SORCS1: variants seen among roughly 807,000 people sequenced by gnomAD.
The protein encoded by SORCS1 is VPS10 domain-containing receptor SorCS1.
SORCS1 carries 60 observed loss-of-function variants against 146.1 expected under a neutral mutation model. That is an observed-to-expected ratio of 0.41 (90% CI 0.33 to 0.51). SORCS1 has a LOEUF of 0.51. Ranked by LOEUF, SORCS1 falls within the 20% of genes least tolerant of loss-of-function variation. The pLI, the probability that SORCS1 is intolerant of heterozygous loss-of-function variation, is 0.21. For missense variants in SORCS1, 1,352 were observed against 1,487.6 expected, an observed-to-expected ratio of 0.91 and a Z score of 1.50; for synonymous variants, 637 against 584.0, an observed-to-expected ratio of 1.09 and a Z score of -1.31.
At chr10:106,797,056 G>A (rs1052943222) in intron 3 of SORCS1, among the ~76,000 whole-genome samples, 7 of 152,092 alleles carry the variant, frequency 4.6e-5, no homozygotes, top group Admixed American at 3.9e-4. Flanking sequence ...GCAGTAAGCC[G>A]GGATCACGCC....
chr10:106,756,686 G>A (rs1401732360), intron 5 of SORCS1, among the ~76,000 whole-genome samples: 1 of 152,128 alleles, frequency 6.6e-6, no homozygotes, highest in African/African-American at 2.4e-5. Context: ...GGTTGCTATG[G>A]TAGTATTAAT....
chr10:106,760,571 G>A (rs759351492), intron 5 of SORCS1, among the ~76,000 whole-genome samples: 3 of 151,646 alleles, frequency 2.0e-5, no homozygotes, highest in South Asian at 2.1e-4. Flanking sequence ...CAAATCTGCC[G>A]GCACATTGAT....
rs80236527 is a variant in SORCS1, at chr10:107,135,167, G to C, written c.558+28802C>G. Among the ~76,000 whole-genome samples, 119 of 152,292 alleles carry C rather than the reference G, an allele frequency of 7.8e-4. 1 individual carries two copies. The East Asian group carries it at 0.022, about 29-fold the overall frequency. ...TATGGTAAATAATTTATTATGGTAA[G>C]ATCATTAGTTTCTTTTAATGATTTT... On this transcript the variant is annotated intron_variant, in intron 1 of 25. Coordinates refer to ENST00000263054, the MANE Select transcript of SORCS1 (RefSeq NM_052918.5).
Position 106,913,076 on chromosome 10 carries a change from G to GAA in SORCS1, c.626+43435_626+43436dup, listed in dbSNP as rs34402617. ...AATGGCAATGCCACTGGACTGCAAA[G>GAA]AAAAAAAAAAAACGCAAGGCTTACA... On this transcript the variant is annotated intron_variant, in intron 2 of 25. Coordinates refer to ENST00000263054, the MANE Select transcript of SORCS1 (RefSeq NM_052918.5). Among the ~76,000 whole-genome samples, 332 of 144,842 alleles carry GAA rather than the reference G, an allele frequency of 2.3e-3. 1 individual carries two copies. The highest frequency in any genetic ancestry group is 0.011 in the Admixed American group (158 of 14,684).
intron 9 of SORCS1, 56 bp downstream of exon 9, chr10:106,699,158 C>T: frequency 6.8e-7 from 1 of 1,476,950 alleles, no homozygotes; most frequent in South Asian, 1.4e-5. Context: ...TGCGGGGCTT[C>T]CATCAGCCAG....
chr10:106,944,871 CTTCTTTTTTTTT>C (rs1589759893), intron 2 of SORCS1, among the ~76,000 whole-genome samples: 6 of 61,024 alleles, frequency 9.8e-5, no homozygotes, highest in African/African-American at 2.7e-4. Context: ...AAGAAAGAGC[CTTCTTTTTTTTT>C]TTTTTTTTTT....
intron 1 of SORCS1, among the ~76,000 whole-genome samples, chr10:107,073,912 T>C (rs1962656898): frequency 6.6e-6 from 1 of 152,124 alleles, no homozygotes; most frequent in Non-Finnish European, 1.5e-5. Context: ...TAGAGCAGTT[T>C]TAGGTGGAAT....
chr10:106,613,180 A>C (rs1291189020), intron 21 of SORCS1, among the ~76,000 whole-genome samples: 1 of 152,146 alleles, frequency 6.6e-6, no homozygotes, highest in African/African-American at 2.4e-5. Context: ...TATGTTATTC[A>C]GGGATTTTCT....
At chr10:106,939,576 C>T (rs568645213) in intron 2 of SORCS1, among the ~76,000 whole-genome samples, 2 of 152,284 alleles carry the variant, frequency 1.3e-5, no homozygotes, top group East Asian at 1.9e-4. Context: ...CCTGCTTCTG[C>T]AAGCTAAGAA....
intron 1 of SORCS1, among the ~76,000 whole-genome samples, chr10:106,974,849 G>A (rs963056235): frequency 3.9e-5 from 6 of 152,098 alleles, no homozygotes; most frequent in African/African-American, 9.7e-5. Context: ...TGTTAAGGGC[G>A]GAAACAAAAC....
At chr10:106,937,194 G>C (rs1953768862) in intron 2 of SORCS1, among the ~76,000 whole-genome samples, 2 of 145,104 alleles carry the variant, frequency 1.4e-5, no homozygotes, top group South Asian at 2.2e-4. Flanking sequence ...TTTTGAGATA[G>C]AGTCTTGCTC....
At position 106,927,465 on chromosome 10, in the gene SORCS1, G is replaced by T. The variant is rs753763122; in HGVS notation, c.626+29048C>A. On this transcript the variant is annotated intron_variant, in intron 2 of 25. Coordinates refer to ENST00000263054, the MANE Select transcript of SORCS1 (RefSeq NM_052918.5). Reference sequence around the variant, plus strand: ...CATAAAGGCAGTGTGGACCCAAAGAGTGAGCAGCAGCAAGACTTATTGCAA... The same window carrying T: ...CATAAAGGCAGTGTGGACCCAAAGATTGAGCAGCAGCAAGACTTATTGCAA... 4.1e-4 allele frequency among the ~76,000 whole-genome samples: 63 copies of T among 152,156 alleles called. 1 individual carries two copies. Among genetic ancestry groups the T allele is most frequent in the Admixed American group, 6.5e-4 (10 of 15,276 alleles).
At chr10:106,956,856 G>C (rs1035455250) in intron 1 of SORCS1, among the ~76,000 whole-genome samples, 3 of 152,136 alleles carry the variant, frequency 2.0e-5, no homozygotes, top group Non-Finnish European at 1.5e-5. Context: ...TGGGTTTAGC[G>C]CTTTTAGGGA....
intron 18 of SORCS1, 151 bp downstream of exon 18, chr10:106,652,230 TA>T: frequency 1.4e-6 from 1 of 714,922 alleles, no homozygotes. Context: ...GAAGTGATAA[TA>T]AAAGAAAAAC....
intron 2 of SORCS1, among the ~76,000 whole-genome samples, chr10:106,886,946 A>G (rs1427363811): frequency 6.6e-6 from 1 of 152,222 alleles, no homozygotes; most frequent in Non-Finnish European, 1.5e-5. Flanking sequence ...GAATGTTTAG[A>G]AAAAGAAGAC....
intron 2 of SORCS1, among the ~76,000 whole-genome samples, chr10:106,865,714 A>G (rs1408644485): frequency 6.6e-6 from 1 of 150,672 alleles, no homozygotes; most frequent in Non-Finnish European, 1.5e-5. Context: ...AGAGAGCAAG[A>G]CTCCATCTCA....
At chr10:106,708,091 T>C (rs527942656) in intron 7 of SORCS1, among the ~76,000 whole-genome samples, 1 of 152,318 alleles carries the variant, frequency 6.6e-6, no homozygotes, top group South Asian at 2.1e-4. Flanking sequence ...AAAGTGTTAT[T>C]AGAAACCAGA....
chr10:107,032,373 A>T (rs901494269), intron 1 of SORCS1, among the ~76,000 whole-genome samples: 1 of 152,140 alleles, frequency 6.6e-6, no homozygotes, highest in Non-Finnish European at 1.5e-5. Flanking sequence ...CGCAGTGTTC[A>T]TTGTCCATGT....
At chr10:107,064,974 A>T (rs955673927) in intron 1 of SORCS1, among the ~76,000 whole-genome samples, 1 of 152,198 alleles carries the variant, frequency 6.6e-6, no homozygotes, top group Non-Finnish European at 1.5e-5. Context: ...GAGGGAAGGC[A>T]ACTCCGGCCC....
Sources: allele counts gnomAD v4.1 joint callset (sites outside exome capture counted in the v4.1 genomes callset), GRCh38; gene constraint gnomAD v4.1.1; transcripts MANE v1.5; gene names NCBI Gene and HGNC (gene_info 2026-07-23, HGNC 2026-07-21).